MYRIP: variants seen among roughly 807,000 people sequenced by gnomAD.
MYRIP encodes myosin VIIA and Rab interacting protein.
A neutral mutation model predicts 98.0 loss-of-function variants in MYRIP; 49 were observed. The observed-to-expected ratio is 0.50, with a 90% CI of 0.40 to 0.63. MYRIP has a LOEUF of 0.63. Ranked by LOEUF, MYRIP falls within the 30% of genes least tolerant of loss-of-function variation. The probability of loss-of-function intolerance (pLI) is 0.00; values close to 1 mark genes in which losing one functional copy is unlikely to be tolerated. For missense variants in MYRIP, 1,004 were observed against 1,058.2 expected, an observed-to-expected ratio of 0.95 and a Z score of 0.71; for synonymous variants, 404 against 409.5, an observed-to-expected ratio of 0.99 and a Z score of 0.16.
chr3:39,889,987 A>C (rs901590665), intron 1 of MYRIP, among the ~76,000 whole-genome samples: 3 of 152,116 alleles, frequency 2.0e-5, no homozygotes, highest in African/African-American at 7.2e-5. Context: ...AAAAATCTAA[A>C]ATTTTTTTTA....
chr3:39,954,737 G>A (rs991740884), intron 2 of MYRIP, among the ~76,000 whole-genome samples: 1 of 152,082 alleles, frequency 6.6e-6, no homozygotes, highest in Non-Finnish European at 1.5e-5. Context: ...AGCTGAAGGA[G>A]GATGTTCAAA....
intron 9 of MYRIP, among the ~76,000 whole-genome samples, chr3:40,184,432 CATT>C (rs1298221503): frequency 6.6e-6 from 1 of 152,168 alleles, no homozygotes; most frequent in Non-Finnish European, 1.5e-5. Flanking sequence ...CAGACACTGT[CATT>C]ATTTTGTTTT....
chr3:40,048,878 G>A (rs982161199), intron 3 of MYRIP, among the ~76,000 whole-genome samples: 7 of 152,052 alleles, frequency 4.6e-5, no homozygotes, highest in Non-Finnish European at 8.8e-5. Context: ...TATAGAAAAT[G>A]GGATACTACT....
At chr3:39,972,505 T>C (rs1314730292) in intron 2 of MYRIP, among the ~76,000 whole-genome samples, 1 of 152,100 alleles carries the variant, frequency 6.6e-6, no homozygotes, top group African/African-American at 2.4e-5. Flanking sequence ...TAATAAACAT[T>C]GCTTTTTAAG....
At chr3:40,220,931 C>T (rs891837189) in intron 11 of MYRIP, among the ~76,000 whole-genome samples, 12 of 151,566 alleles carry the variant, frequency 7.9e-5, no homozygotes, top group African/African-American at 2.7e-4. Flanking sequence ...CACCAGGCCC[C>T]ACCTCCAATA....
intron 3 of MYRIP, among the ~76,000 whole-genome samples, chr3:40,064,374 C>T (rs1305618268): frequency 1.3e-5 from 2 of 152,042 alleles, no homozygotes; most frequent in African/African-American, 4.8e-5. Context: ...AAAAACCTTG[C>T]TCTCTTTATC....
intron 3 of MYRIP, among the ~76,000 whole-genome samples, chr3:40,126,471 A>G (rs1486566598): frequency 6.6e-6 from 1 of 152,254 alleles, no homozygotes; most frequent in Non-Finnish European, 1.5e-5. Flanking sequence ...GCTTAGGATT[A>G]AACAATGATG....
intron 1 of MYRIP, among the ~76,000 whole-genome samples, chr3:39,852,093 G>A (rs1031616530): frequency 1.3e-5 from 2 of 152,100 alleles, no homozygotes; most frequent in African/African-American, 4.8e-5. Context: ...TTAGACAAAG[G>A]CATGAGAATT....
intron 3 of MYRIP, among the ~76,000 whole-genome samples, chr3:40,147,253 T>C (rs1429826541): frequency 2.0e-5 from 3 of 152,272 alleles, no homozygotes; most frequent in Non-Finnish European, 4.4e-5. Context: ...GAAACCATTA[T>C]CTTTGGTATA....
intron 1 of MYRIP, among the ~76,000 whole-genome samples, chr3:39,893,061 T>C (rs1002318530): frequency 2.0e-5 from 3 of 152,214 alleles, no homozygotes; most frequent in African/African-American, 7.2e-5. Context: ...GTGGGTTGTA[T>C]GGCCTTATAA....
chr3:40,064,736 T>G (rs542048873), intron 3 of MYRIP, among the ~76,000 whole-genome samples: 41 of 152,302 alleles, frequency 2.7e-4, no homozygotes, highest in African/African-American at 9.6e-4. Context: ...TACAGCCCCA[T>G]GAAGGTAGGT....
chr3:40,069,008 A>C (rs555902774), intron 3 of MYRIP, among the ~76,000 whole-genome samples: 1 of 152,166 alleles, frequency 6.6e-6, no homozygotes, highest in African/African-American at 2.4e-5. Context: ...TTAAGACACA[A>C]AACACATCTA....
chr3:40,159,805 C>G (rs537463713), intron 4 of MYRIP, among the ~76,000 whole-genome samples: 162 of 152,300 alleles, frequency 1.1e-3, no homozygotes, highest in Middle Eastern at 0.01. Flanking sequence ...GAGGCTTCTG[C>G]ATTCTTCACG....
chr3:39,975,355 T>A (rs2125751070), intron 2 of MYRIP, among the ~76,000 whole-genome samples: 1 of 152,084 alleles, frequency 6.6e-6, no homozygotes, highest in African/African-American at 2.4e-5. Context: ...GTGAAGGACC[T>A]CTTCAAGGAG....
intron 10 of MYRIP, among the ~76,000 whole-genome samples, chr3:40,194,746 A>G (rs2371178): frequency 0.35 from 53,317 of 152,024 alleles, 10,200 homozygotes; most frequent in East Asian, 0.59. Flanking sequence ...GAAGTTTTAT[A>G]GATTTTTTTC....
intron 3 of MYRIP, among the ~76,000 whole-genome samples, chr3:40,077,895 C>T (rs1449493022): frequency 3.3e-5 from 5 of 151,514 alleles, no homozygotes; most frequent in African/African-American, 1.2e-4. Context: ...GGTGGAGCTG[C>T]CTGCCAGTCC....
intron 3 of MYRIP, among the ~76,000 whole-genome samples, chr3:40,113,484 G>T (rs544302729): frequency 1.5e-4 from 23 of 152,188 alleles, no homozygotes; most frequent in African/African-American, 5.5e-4. Flanking sequence ...TCCATGGGGA[G>T]ATTTAGTAAA....
intron 3 of MYRIP, among the ~76,000 whole-genome samples, chr3:40,122,669 G>C (rs935239313): frequency 6.6e-6 from 1 of 151,620 alleles, no homozygotes; most frequent in Admixed American, 6.6e-5. Flanking sequence ...TCTATAAGAC[G>C]TTTTGATTTT....
chr3:40,119,408 G>A (rs934051874), intron 3 of MYRIP, among the ~76,000 whole-genome samples: 3 of 152,172 alleles, frequency 2.0e-5, no homozygotes, highest in Non-Finnish European at 4.4e-5. Flanking sequence ...GTAATGGCAT[G>A]TTGACATTTG....
Sources: allele counts gnomAD v4.1 joint callset (sites outside exome capture counted in the v4.1 genomes callset), GRCh38; gene constraint gnomAD v4.1.1; transcripts MANE v1.5; gene names NCBI Gene and HGNC (gene_info 2026-07-23, HGNC 2026-07-21).